Variants in ERBB4 observed in about 807,000 individuals in gnomAD.
ERBB4 encodes receptor tyrosine-protein kinase erbB-4.
Under a neutral mutation model 158.0 loss-of-function variants are expected in ERBB4, and 42 were observed. That is an observed-to-expected ratio of 0.27 (90% CI 0.21 to 0.34). The LOEUF is 0.34. ERBB4 is among the 10% of genes least tolerant of loss of function. ERBB4 has a pLI of 1.00. For missense variants in ERBB4, 1,333 were observed against 1,624.1 expected (o/e 0.82, Z 3.08); for synonymous variants, 583 against 558.7 (o/e 1.04, Z -0.61).
intron 2 of ERBB4, among the ~76,000 whole-genome samples, chr2:212,121,106 G>A (rs1575662644): frequency 6.6e-6 from 1 of 152,176 alleles, no homozygotes; most frequent in East Asian, 1.9e-4. Flanking sequence ...ATCCAATACA[G>A]TAGTATTATG....
At chr2:211,513,372 AAAAAC>A (rs1415706368) in intron 20 of ERBB4, among the ~76,000 whole-genome samples, 25,506 of 119,082 alleles carry the variant, frequency 0.21, 3,550 homozygotes, top group Non-Finnish European at 0.29. Flanking sequence ...AAAAAAAAAA[AAAAAC>A]AAAAAAAAAA....
At chr2:211,556,384 C>G (rs1233583035) in intron 20 of ERBB4, among the ~76,000 whole-genome samples, 1 of 152,026 alleles carries the variant, frequency 6.6e-6, no homozygotes, top group Non-Finnish European at 1.5e-5. Flanking sequence ...ATCATTGAGA[C>G]AAAAAACTTA....
At chr2:212,101,645 A>G (rs966271760) in intron 2 of ERBB4, among the ~76,000 whole-genome samples, 1 of 152,078 alleles carries the variant, frequency 6.6e-6, no homozygotes, top group African/African-American at 2.4e-5. Context: ...TGAAAATAAT[A>G]TATAACAAGT....
At chr2:212,167,991 A>G (rs2125664352) in intron 1 of ERBB4, among the ~76,000 whole-genome samples, 1 of 152,058 alleles carries the variant, frequency 6.6e-6, no homozygotes, top group East Asian at 1.9e-4. Flanking sequence ...TAGGTGCAGC[A>G]AACCACCATG....
chr2:211,428,594 G>T, intron 21 of ERBB4, 111 bp from the exon 22 acceptor site: 1 of 642,198 alleles, frequency 1.6e-6, no homozygotes, highest in South Asian at 1.7e-5. Context: ...TTTTTATTAT[G>T]TGTGTATAGA....
At chr2:212,218,295 A>G (rs1326364392) in intron 1 of ERBB4, among the ~76,000 whole-genome samples, 2 of 151,410 alleles carry the variant, frequency 1.3e-5, no homozygotes, top group Admixed American at 1.3e-4. Flanking sequence ...AGGCTTATTC[A>G]GAAAATTATA....
chr2:212,131,234 C>A (rs149000043), intron 1 of ERBB4, among the ~76,000 whole-genome samples: 127 of 152,266 alleles, frequency 8.3e-4, no homozygotes, highest in Non-Finnish European at 1.6e-3. Context: ...ACTTACACAG[C>A]GGCCTCCTAA....
At chr2:211,812,233 A>G (rs1338816343) in intron 3 of ERBB4, among the ~76,000 whole-genome samples, 1 of 151,950 alleles carries the variant, frequency 6.6e-6, no homozygotes, top group African/African-American at 2.4e-5. Context: ...CTTTTTGTTG[A>G]TGTTGATGCT....
intron 1 of ERBB4, among the ~76,000 whole-genome samples, chr2:212,191,783 TTA>T (rs139452097): frequency 0.1 from 12,217 of 122,204 alleles, 1,169 homozygotes; most frequent in South Asian, 0.21. Flanking sequence ...AACACGTGTG[TTA>T]TATGTTCTAT....
intron 20 of ERBB4, among the ~76,000 whole-genome samples, chr2:211,494,095 T>A: frequency 6.6e-6 from 1 of 152,220 alleles, no homozygotes; most frequent in South Asian, 2.1e-4. Flanking sequence ...CTCTGCCTCC[T>A]GGGTTCAAAC....
chr2:212,225,094 T>C (rs1333926748), intron 1 of ERBB4, among the ~76,000 whole-genome samples: 1 of 151,982 alleles, frequency 6.6e-6, no homozygotes, highest in Non-Finnish European at 1.5e-5. Context: ...TTAGAAGTTA[T>C]ATGAAAGTTT....
At chr2:212,406,182 A>G (rs963509037) in intron 1 of ERBB4, among the ~76,000 whole-genome samples, 3 of 152,112 alleles carry the variant, frequency 2.0e-5, no homozygotes, top group Non-Finnish European at 4.4e-5. Flanking sequence ...ACCATCACCA[A>G]TAGGAGCCTG....
chr2:212,020,635 GT>G (rs1423974578), intron 2 of ERBB4, among the ~76,000 whole-genome samples: 1 of 152,042 alleles, frequency 6.6e-6, no homozygotes, highest in Admixed American at 6.6e-5. Flanking sequence ...GGTTTTTAGA[GT>G]TTTTATTGCC....
At chr2:212,115,093 C>A (rs189882755) in intron 2 of ERBB4, among the ~76,000 whole-genome samples, 2 of 151,744 alleles carry the variant, frequency 1.3e-5, no homozygotes, top group East Asian at 1.9e-4. Flanking sequence ...TTTGAAGAGG[C>A]CTTTGTTTAC....
chr2:212,407,005 A>T (rs1031788545), intron 1 of ERBB4, among the ~76,000 whole-genome samples: 2 of 151,998 alleles, frequency 1.3e-5, no homozygotes, highest in East Asian at 3.9e-4. Context: ...ATTCCCTTAA[A>T]ATAGCTTAAG....
chr2:211,496,078 A>G (rs975020863), intron 20 of ERBB4, among the ~76,000 whole-genome samples: 3 of 152,108 alleles, frequency 2.0e-5, no homozygotes, highest in Middle Eastern at 3.2e-3. Context: ...CATTTGATTC[A>G]GTCCAGTTTT....
intron 1 of ERBB4, among the ~76,000 whole-genome samples, chr2:212,458,388 C>T (rs576590700): frequency 1.8e-4 from 28 of 152,002 alleles, no homozygotes; most frequent in Admixed American, 1.3e-4. Context: ...AGGTGGATTA[C>T]GGCATTCAAG....
intron 1 of ERBB4, among the ~76,000 whole-genome samples, chr2:212,378,544 G>C (rs1267218301): frequency 6.6e-6 from 1 of 151,824 alleles, no homozygotes; most frequent in African/African-American, 2.4e-5. Context: ...AATCAGCCTT[G>C]AGAGAGTTAT....
In ERBB4 at chr2:211,386,870, C is replaced by T. The variant is rs1044752647; in HGVS notation, c.3464G>A (p.Arg1155Gln). The change falls in exon 27 of 28, where the codon CGA becomes CAA. Residue 1155 changes from arginine to glutamine, a missense_variant. Around this residue, in one of 5 missense-constraint regions of ERBB4, gnomAD observed 252 missense variants for 241.3 expected, o/e 1.04. Transcript: ENST00000342788. Reference protein sequence around the residue: ...LDEEGYMTPMRDKPKQEYLNP... With the variant: ...LDEEGYMTPMQDKPKQEYLNP... ...GTTCATACCTTGTTTGGGTTTGTCT[C>T]GCATAGGAGTCATGTAACCTTCCTC... is the stretch of plus-strand genomic sequence containing the variant. 23 of 1,613,984 alleles carry T rather than the reference C, an allele frequency of 1.4e-5. No homozygotes were observed. The highest frequency in any genetic ancestry group is 1.6e-4 in the Middle Eastern group (1 of 6,082).
Sources: allele counts gnomAD v4.1 joint callset (sites outside exome capture counted in the v4.1 genomes callset), GRCh38; gene constraint gnomAD v4.1.1; regional missense constraint gnomAD v4.1.1; transcripts MANE v1.5; gene names NCBI Gene and HGNC (gene_info 2026-07-23, HGNC 2026-07-21).